The following PTPRN2 variants were observed in gnomAD, a reference collection of about 807,000 sequenced individuals.
PTPRN2 encodes the protein protein tyrosine phosphatase receptor type N2, also known as receptor-type tyrosine-protein phosphatase N2.
PTPRN2 carries 74 observed loss-of-function variants against 118.8 expected under a neutral mutation model. The ratio of observed to expected loss-of-function variants is 0.62; its 90% CI spans 0.52 to 0.76. PTPRN2 has a LOEUF of 0.76. Ranked by LOEUF, PTPRN2 falls within the 30% of genes least tolerant of loss-of-function variation. The pLI is 0.00. For missense variants in PTPRN2, 1,481 were observed against 1,394.4 expected (o/e 1.06, Z -0.99); for synonymous variants, 641 against 608.0 (o/e 1.05, Z -0.80).
At position 158,311,737 on chromosome 7, in the gene PTPRN2, C is replaced by G. The variant is rs556167028; in HGVS notation, c.277+5082G>C. On this transcript the variant is annotated intron_variant, in intron 3 of 22. Transcript: ENST00000389418. ...ACGACAGGCAGAAGCACAGGATCAA[C>G]TCTGTTTCAAGCGCAGTTACCAAGA... Among the ~76,000 whole-genome samples the G allele has an allele frequency of 6.6e-4, 101 of 152,378 alleles. 1 individual carries two copies. The highest frequency in any genetic ancestry group is 2.2e-3 in the Admixed American group (34 of 15,312).
intron 10 of PTPRN2, among the ~76,000 whole-genome samples, chr7:158,110,610 C>T (rs547462194): frequency 1.3e-5 from 2 of 152,210 alleles, no homozygotes; most frequent in African/African-American, 4.8e-5. Flanking sequence ...TTGGCTGCAG[C>T]GACACTGTCC....
intron 11 of PTPRN2, among the ~76,000 whole-genome samples, chr7:158,069,938 A>T (rs150059155): frequency 6.0e-4 from 92 of 152,382 alleles, no homozygotes; most frequent in Admixed American, 5.6e-3. Context: ...AGGCACCCTG[A>T]GGTTTGAAAA....
intron 2 of PTPRN2, among the ~76,000 whole-genome samples, chr7:158,466,013 A>G (rs1819356604): frequency 6.6e-6 from 1 of 152,212 alleles, no homozygotes; most frequent in Non-Finnish European, 1.5e-5. Flanking sequence ...TGCAGTAATA[A>G]AATGGACATC....
At chr7:157,606,351 G>T (rs953876327) in intron 15 of PTPRN2, among the ~76,000 whole-genome samples, 2 of 152,218 alleles carry the variant, frequency 1.3e-5, no homozygotes, top group Admixed American at 6.5e-5. Context: ...CCAGCGTGGG[G>T]GTGGGGGTGG....
chr7:158,372,218 AC>A (rs1810064616), intron 2 of PTPRN2, among the ~76,000 whole-genome samples: 1 of 110,660 alleles, frequency 9.0e-6, no homozygotes, highest in Non-Finnish European at 1.9e-5. Flanking sequence ...GGAGCTGGAC[AC>A]CCCCAGGCTG....
rs1248537818 is a variant in PTPRN2, at chr7:158,015,465, GAGAGAGGA to G, written c.1723+65825_1723+65832del. Among the ~76,000 whole-genome samples the G allele has an allele frequency of 1.3e-5, 2 of 151,394 alleles. No individual in the cohort carries two copies. The highest frequency in any genetic ancestry group is 4.9e-5 in the African/African-American group (2 of 41,084). Reference sequence around the variant, plus strand: ...GAGAGGAGGGGTGGTGAGAGAGAGAGAGAGAGGAAGAGAGGGAGAGAGGGAGAGAGGGA... The same window carrying G: ...GAGAGGAGGGGTGGTGAGAGAGAGAGAGAGAGGGAGAGAGGGAGAGAGGGA... On this transcript the variant is annotated intron_variant, in intron 11 of 22. Coordinates refer to ENST00000389418, the MANE Select transcript of PTPRN2 (RefSeq NM_002847.5). This position sits in a 1 kb window ranked among gnomAD's most constrained non-coding sequence, Gnocchi z 4.2.
At chr7:157,887,396 G>C (rs1460192101) in intron 12 of PTPRN2, among the ~76,000 whole-genome samples, 1 of 150,054 alleles carries the variant, frequency 6.7e-6, no homozygotes, top group Admixed American at 6.6e-5. Flanking sequence ...GACAAAAGAT[G>C]CCCACTCCCC....
chr7:158,558,166 T>G (rs1377657030), intron 1 of PTPRN2, among the ~76,000 whole-genome samples: 2 of 152,114 alleles, frequency 1.3e-5, no homozygotes, highest in African/African-American at 4.8e-5. Context: ...TTCATTGTTC[T>G]GGAGAGACGG....
intron 12 of PTPRN2, among the ~76,000 whole-genome samples, chr7:157,686,252 A>G (rs956278066): frequency 6.6e-6 from 1 of 152,200 alleles, no homozygotes; most frequent in African/African-American, 2.4e-5. Context: ...CACGCCCAGG[A>G]CGGTTTCAAG....
chr7:158,083,659 T>TGCCGA (rs906062174), intron 10 of PTPRN2, among the ~76,000 whole-genome samples: 1 of 152,198 alleles, frequency 6.6e-6, no homozygotes, highest in Admixed American at 6.5e-5. Context: ...CTTGCACGCA[T>TGCCGA]GCCGAGCGTC....
At chr7:158,474,475 G>T (rs992419433) in intron 2 of PTPRN2, among the ~76,000 whole-genome samples, 1 of 152,214 alleles carries the variant, frequency 6.6e-6, no homozygotes, top group African/African-American at 2.4e-5. Context: ...TGATAAATGG[G>T]AAAGTCAACC....
intron 2 of PTPRN2, among the ~76,000 whole-genome samples, chr7:158,463,852 C>T (rs1281387466): frequency 6.9e-6 from 1 of 144,230 alleles, no homozygotes; most frequent in African/African-American, 2.6e-5. Context: ...ACCATCATTG[C>T]CATGCCATTT....
At chr7:157,843,950 C>T (rs1052554779) in intron 12 of PTPRN2, among the ~76,000 whole-genome samples, 2 of 152,202 alleles carry the variant, frequency 1.3e-5, no homozygotes, top group Admixed American at 6.5e-5. Context: ...CAGTGCCACC[C>T]CACTGCAGGC....
At chr7:158,381,787 C>T (rs1296895501) in intron 2 of PTPRN2, among the ~76,000 whole-genome samples, 1 of 152,198 alleles carries the variant, frequency 6.6e-6, no homozygotes, top group Admixed American at 6.6e-5. Flanking sequence ...CACAGTTCCA[C>T]ATGGCTGGGG....
chr7:158,552,114 G>C (rs1178981928), intron 1 of PTPRN2, among the ~76,000 whole-genome samples: 1 of 119,150 alleles, frequency 8.4e-6, no homozygotes, highest in Non-Finnish European at 1.7e-5. Flanking sequence ...ACATGCATTT[G>C]GGGGGCCCCA....
chr7:158,507,468 C>A (rs559931780), intron 1 of PTPRN2, among the ~76,000 whole-genome samples: 1 of 151,106 alleles, frequency 6.6e-6, no homozygotes, highest in Non-Finnish European at 1.5e-5. Context: ...GGAAATCACA[C>A]ACATGAAGGT....
chr7:158,441,768 T>C (rs1817295634), intron 2 of PTPRN2, among the ~76,000 whole-genome samples: 1 of 141,728 alleles, frequency 7.1e-6, no homozygotes, highest in Admixed American at 6.8e-5. Flanking sequence ...GTGATGGTCA[T>C]GGCAGTGGTG....
chr7:157,620,480 G>C (rs560950714), intron 15 of PTPRN2, among the ~76,000 whole-genome samples: 9 of 152,234 alleles, frequency 5.9e-5, no homozygotes, highest in Non-Finnish European at 1.3e-4. Flanking sequence ...TGCTGTAAAA[G>C]CAACCACTGT....
At chr7:157,648,441 C>G (rs1292119054) in intron 14 of PTPRN2, among the ~76,000 whole-genome samples, 1 of 108,588 alleles carries the variant, frequency 9.2e-6, no homozygotes, top group Non-Finnish European at 1.9e-5. Context: ...GACCCATTCA[C>G]TGTGCACTGA....
Sources: gnomAD v4.1 joint callset for allele counts (sites outside exome capture counted in the v4.1 genomes callset) on GRCh38, gnomAD v4.1.1 for gene constraint, Gnocchi (gnomAD v3.1) non-coding constraint, MANE v1.5 for transcripts, NCBI Gene and HGNC (gene_info 2026-07-23, HGNC 2026-07-21) for gene names.